The following ADD3 variants were observed in gnomAD, a reference collection of about 807,000 sequenced individuals.
ADD3 encodes the protein gamma-adducin.
A neutral mutation model predicts 80.2 loss-of-function variants in ADD3; 25 were observed. That is an observed-to-expected ratio of 0.31 (90% CI 0.23 to 0.44). ADD3 has a LOEUF of 0.44. Among genes scored for constraint, ADD3 ranks in the 20% least tolerant of loss-of-function variants. The pLI is 1.00. For synonymous variants in ADD3, 284 were observed against 289.6 expected (o/e 0.98, Z 0.20); for missense variants, 829 against 847.5 (o/e 0.98, Z 0.27).
chr10:110,029,995 G>A (rs1202250522), intron 1 of ADD3, among the ~76,000 whole-genome samples: 1 of 152,084 alleles, frequency 6.6e-6, no homozygotes, highest in East Asian at 1.9e-4. Context: ...GAATTTTGAT[G>A]ATAGCTGACC....
At chr10:110,115,343 C>A (rs576846703) in intron 3 of ADD3, among the ~76,000 whole-genome samples, 1 of 151,986 alleles carries the variant, frequency 6.6e-6, no homozygotes, top group Non-Finnish European at 1.5e-5. Flanking sequence ...GAGCCGAGAT[C>A]GTACCATTGC....
At chr10:110,094,358 C>G (rs1001659257) in intron 1 of ADD3, among the ~76,000 whole-genome samples, 1 of 152,140 alleles carries the variant, frequency 6.6e-6, no homozygotes, top group African/African-American at 2.4e-5. Context: ...AGAAAAGTCA[C>G]TCAACACCAC....
At chr10:110,129,949 A>C (rs1425572846) in intron 12 of ADD3, among the ~76,000 whole-genome samples, 2 of 152,224 alleles carry the variant, frequency 1.3e-5, no homozygotes, top group Non-Finnish European at 2.9e-5. Context: ...GAAAACAGCT[A>C]CAAGCTTATT....
intron 1 of ADD3, among the ~76,000 whole-genome samples, chr10:110,030,942 T>C (rs1303029332): frequency 6.6e-6 from 1 of 151,534 alleles, no homozygotes; most frequent in Non-Finnish European, 1.5e-5. Context: ...CTTTAATGGT[T>C]GGTGACTCCT....
At chr10:110,037,943 C>G (rs1295503210) in intron 1 of ADD3, among the ~76,000 whole-genome samples, 1 of 151,806 alleles carries the variant, frequency 6.6e-6, no homozygotes, top group Non-Finnish European at 1.5e-5. Context: ...GTGGCACATG[C>G]CTGTAATCCC....
intron 1 of ADD3, among the ~76,000 whole-genome samples, chr10:110,091,449 A>T (rs1460594209): frequency 6.6e-6 from 1 of 152,250 alleles, no homozygotes; most frequent in African/African-American, 2.4e-5. Flanking sequence ...AGACCAATGG[A>T]ACAGGTTAGA....
rs1476059681 is a variant in ADD3, at chr10:110,133,257, A to G, written c.1829-69A>G. ...CCTTATTACATTGCTAAAACATTTC[A>G]GTTTTGTAAAGTAGAGCAAAAATGT... On this transcript the variant is annotated intron_variant, in intron 14 of 14. Coordinates refer to ENST00000356080, the MANE Select transcript of ADD3 (RefSeq NM_016824.5). The G allele has an allele frequency of 2.8e-6, 4 of 1,450,398 alleles. No individual in the cohort carries two copies. The East Asian group carries it at 9.2e-5, about 33-fold the overall frequency. The allele number at this position is 1,450,398 out of a possible 1,614,324, so 89.8% of individuals were successfully genotyped here.
chr10:110,045,215 A>T (rs1192133626), intron 1 of ADD3, among the ~76,000 whole-genome samples: 1 of 152,112 alleles, frequency 6.6e-6, no homozygotes, highest in Non-Finnish European at 1.5e-5. Context: ...TTAGCTGGGC[A>T]TGGTGGCGTG....
chr10:110,125,694 C>A, intron 10 of ADD3, 132 bp from the exon 11 acceptor site: 1 of 531,916 alleles, frequency 1.9e-6, no homozygotes, highest in Non-Finnish European at 3.1e-6. Flanking sequence ...ACTAATTCAC[C>A]ACTAAGATAC....
intron 1 of ADD3, among the ~76,000 whole-genome samples, chr10:110,058,543 T>C (rs952665501): frequency 4.6e-5 from 7 of 152,196 alleles, no homozygotes; most frequent in Non-Finnish European, 7.4e-5. Flanking sequence ...TGATAGTACT[T>C]TGTGAGGACT....
chr10:110,115,337 C>G (rs1035084824), intron 3 of ADD3, among the ~76,000 whole-genome samples: 1 of 151,926 alleles, frequency 6.6e-6, no homozygotes, highest in African/African-American at 2.4e-5. Context: ...TGCAGTGAGC[C>G]GAGATCGTAC....
At chr10:110,122,857 C>T (rs940558702) in intron 9 of ADD3, among the ~76,000 whole-genome samples, 2 of 151,706 alleles carry the variant, frequency 1.3e-5, no homozygotes, top group African/African-American at 4.8e-5. Flanking sequence ...GTCTTGAATT[C>T]CTGGGCTCAA....
chr10:110,033,386 A>C (rs1055032034), intron 1 of ADD3, among the ~76,000 whole-genome samples: 45 of 152,342 alleles, frequency 3.0e-4, no homozygotes, highest in African/African-American at 1.0e-3. Flanking sequence ...AGCAAATTTA[A>C]TATAAAGAGG....
chr10:110,071,360 G>A (rs528148277), intron 1 of ADD3, among the ~76,000 whole-genome samples: 68 of 152,136 alleles, frequency 4.5e-4, no homozygotes, highest in Non-Finnish European at 7.9e-4. Flanking sequence ...ATAATCAACA[G>A]TAATGTATAC....
intron 2 of ADD3, among the ~76,000 whole-genome samples, chr10:110,104,885 A>G (rs1166034701): frequency 6.6e-6 from 1 of 152,202 alleles, no homozygotes; most frequent in African/African-American, 2.4e-5. Context: ...TCAGAATTTA[A>G]ACTGCAAAGC....
chr10:110,037,203 A>G (rs1042139021), intron 1 of ADD3, among the ~76,000 whole-genome samples: 6 of 152,240 alleles, frequency 3.9e-5, no homozygotes, highest in Non-Finnish European at 8.8e-5. Flanking sequence ...TTAAACACAC[A>G]TCAGTCGACC....
chr10:110,130,552 G>A, intron 13 of ADD3, 66 bp downstream of exon 13: 2 of 1,554,926 alleles, frequency 1.3e-6, no homozygotes, highest in Non-Finnish European at 1.8e-6. Context: ...CCTCACGTTG[G>A]ATGATAGAAA....
chr10:110,021,251 G>A (rs1305311536), intron 1 of ADD3, among the ~76,000 whole-genome samples: 3 of 152,202 alleles, frequency 2.0e-5, no homozygotes, highest in Non-Finnish European at 2.9e-5. Flanking sequence ...TAATCAAAAT[G>A]TGAAAATAAA....
intron 1 of ADD3, among the ~76,000 whole-genome samples, chr10:110,083,817 G>T (rs890578478): frequency 6.6e-6 from 1 of 152,090 alleles, no homozygotes; most frequent in Admixed American, 6.5e-5. Flanking sequence ...GGATCCCAGG[G>T]TTGTAGTACT....
Sources: allele counts gnomAD v4.1 joint callset (sites outside exome capture counted in the v4.1 genomes callset), GRCh38; gene constraint gnomAD v4.1.1; transcripts MANE v1.5; gene names NCBI Gene and HGNC (gene_info 2026-07-23, HGNC 2026-07-21).